Variants in JAKMIP2 observed in about 807,000 individuals in gnomAD.
JAKMIP2 encodes janus kinase and microtubule-interacting protein 2.
In JAKMIP2, 25 loss-of-function variants were observed where a neutral mutation model predicts 115.0. That is an observed-to-expected ratio of 0.22 (90% CI 0.16 to 0.30). The LOEUF (loss-of-function observed/expected upper bound fraction) is 0.30, where lower values mean the gene tolerates loss of function less well. Ranked by LOEUF, JAKMIP2 falls within the 10% of genes least tolerant of loss-of-function variation. The probability of loss-of-function intolerance (pLI) is 1.00; values close to 1 mark genes in which losing one functional copy is unlikely to be tolerated. For missense variants in JAKMIP2, 642 were observed against 957.6 expected (o/e 0.67, Z 4.35); for synonymous variants, 334 against 343.6 (o/e 0.97, Z 0.31).
chr5:147,677,238 G>A lies in JAKMIP2; in HGVS notation c.-148-5284C>T, dbSNP rs191764114. Among the ~76,000 whole-genome samples the A allele has an allele frequency of 1.5e-3, 226 of 152,270 alleles. 5 individuals carry two copies. The highest frequency in any genetic ancestry group is 4.7e-4 in the Non-Finnish European group (32 of 68,028). On this transcript the variant is annotated intron_variant, in intron 1 of 21. Transcript: ENST00000616793. ...TAAGTGATGCTCTTGCACAGCTCAC[G>A]ACGCAAGAACTAACCATTTATTGAG...
chr5:147,732,021 C>T (rs1753751830), intron 1 of JAKMIP2, among the ~76,000 whole-genome samples: 2 of 152,194 alleles, frequency 1.3e-5, no homozygotes, highest in Admixed American at 1.3e-4. Flanking sequence ...TACAGAAAAT[C>T]TTGGAACATG....
intron 21 of JAKMIP2, among the ~76,000 whole-genome samples, chr5:147,594,726 T>C (rs7700567): frequency 0.95 from 145,354 of 152,234 alleles, 69,746 homozygotes; most frequent in East Asian, 1. Context: ...TTACACCATC[T>C]AGGAACACAA....
chr5:147,696,268 T>C (rs1193512121), intron 1 of JAKMIP2, among the ~76,000 whole-genome samples: 2 of 152,138 alleles, frequency 1.3e-5, no homozygotes, highest in Non-Finnish European at 2.9e-5. Flanking sequence ...ATAATCCCCA[T>C]GTGTCATGGG....
chr5:147,678,558 G>T (rs1286524529), intron 1 of JAKMIP2, among the ~76,000 whole-genome samples: 3 of 151,912 alleles, frequency 2.0e-5, no homozygotes, highest in Non-Finnish European at 2.9e-5. Context: ...TTCATATCTT[G>T]GTTATTCTGA....
chr5:147,693,223 A>G (rs1241940602), intron 1 of JAKMIP2, among the ~76,000 whole-genome samples: 2 of 152,176 alleles, frequency 1.3e-5, no homozygotes, highest in Non-Finnish European at 2.9e-5. Context: ...ATCTCTTACT[A>G]ACTGTGTGAC....
intron 3 of JAKMIP2, among the ~76,000 whole-genome samples, chr5:147,657,849 C>A (rs1274057039): frequency 6.6e-6 from 1 of 152,014 alleles, no homozygotes; most frequent in Admixed American, 6.6e-5. Context: ...TTCTTCACCT[C>A]TATCAGGTCA....
At chr5:147,779,808 G>C (rs942966158) in intron 1 of JAKMIP2, among the ~76,000 whole-genome samples, 1 of 152,130 alleles carries the variant, frequency 6.6e-6, no homozygotes. Flanking sequence ...TCTTGAGAAG[G>C]AAATCTAGTA....
intron 21 of JAKMIP2, among the ~76,000 whole-genome samples, chr5:147,599,481 G>T (rs1286535973): frequency 6.6e-6 from 1 of 152,112 alleles, no homozygotes; most frequent in African/African-American, 2.4e-5. Context: ...ACATTCATCG[G>T]CTATATTATT....
At chr5:147,707,435 T>C (rs1031144879) in intron 1 of JAKMIP2, among the ~76,000 whole-genome samples, 6 of 152,106 alleles carry the variant, frequency 3.9e-5, no homozygotes, top group African/African-American at 1.2e-4. Flanking sequence ...AATAAGTATA[T>C]CACTATGGGG....
intron 1 of JAKMIP2, among the ~76,000 whole-genome samples, chr5:147,769,221 G>A (rs1755260494): frequency 6.6e-6 from 1 of 151,992 alleles, no homozygotes; most frequent in Admixed American, 6.6e-5. Context: ...GTGCCCCTCT[G>A]GAACCCACCC....
chr5:147,770,265 C>T (rs546985726), intron 1 of JAKMIP2, among the ~76,000 whole-genome samples: 19 of 152,010 alleles, frequency 1.2e-4, no homozygotes, highest in Non-Finnish European at 2.8e-4. Context: ...ATATGTGATC[C>T]ATATATCTGT....
intron 13 of JAKMIP2, 79 bp downstream of exon 13, chr5:147,632,601 C>CA: frequency 1.1e-6 from 1 of 899,274 alleles, no homozygotes; most frequent in Non-Finnish European, 1.8e-6. Context: ...ATGCTTAATA[C>CA]AGCGCCTAGC....
At chr5:147,735,377 A>AT (rs1370338155) in intron 1 of JAKMIP2, among the ~76,000 whole-genome samples, 1 of 152,212 alleles carries the variant, frequency 6.6e-6, no homozygotes, top group Non-Finnish European at 1.5e-5. Flanking sequence ...AAGAGGTTTA[A>AT]TTGACTCACA....
intron 1 of JAKMIP2, among the ~76,000 whole-genome samples, chr5:147,690,130 G>A (rs1482624759): frequency 2.0e-5 from 3 of 152,034 alleles, no homozygotes; most frequent in Admixed American, 6.5e-5. Context: ...CGAGGGGATC[G>A]CTTGAGACCA....
chr5:147,768,781 T>C (rs1439806771), intron 1 of JAKMIP2, among the ~76,000 whole-genome samples: 2 of 152,180 alleles, frequency 1.3e-5, no homozygotes, highest in Admixed American at 6.6e-5. Context: ...TATATCTTTA[T>C]GGCAAATGTT....
chr5:147,728,163 G>A (rs1259989812), intron 1 of JAKMIP2, among the ~76,000 whole-genome samples: 3 of 152,134 alleles, frequency 2.0e-5, no homozygotes, highest in Non-Finnish European at 4.4e-5. Flanking sequence ...TATACTTTTA[G>A]GGGTGGCTAA....
intron 17 of JAKMIP2, among the ~76,000 whole-genome samples, chr5:147,621,460 T>G (rs928213008): frequency 6.6e-6 from 1 of 152,226 alleles, no homozygotes; most frequent in South Asian, 2.1e-4. Context: ...CTCAATGGTG[T>G]TGACTTTTGA....
intron 21 of JAKMIP2, among the ~76,000 whole-genome samples, chr5:147,599,357 C>T (rs766479939): frequency 6.6e-6 from 1 of 152,214 alleles, no homozygotes; most frequent in Non-Finnish European, 1.5e-5. Context: ...CATCACACAA[C>T]TAGTAAATGG....
At chr5:147,671,157 C>T (rs996653277) in intron 2 of JAKMIP2, among the ~76,000 whole-genome samples, 4 of 151,986 alleles carry the variant, frequency 2.6e-5, no homozygotes, top group African/African-American at 7.3e-5. Flanking sequence ...ACAGAATGAT[C>T]GAGAGAGAGA....
Sources: allele counts gnomAD v4.1 joint callset (sites outside exome capture counted in the v4.1 genomes callset), GRCh38; gene constraint gnomAD v4.1.1; transcripts MANE v1.5; gene names NCBI Gene and HGNC (gene_info 2026-07-23, HGNC 2026-07-21).